The following MKLN1 variants were observed in gnomAD, a reference collection of about 807,000 sequenced individuals.
The protein encoded by MKLN1 is muskelin.
In MKLN1, 18 loss-of-function variants were observed where a neutral mutation model predicts 99.0. The observed-to-expected ratio is 0.18, with a 90% CI of 0.13 to 0.27. MKLN1 has a LOEUF of 0.27. Ranked by LOEUF, MKLN1 falls within the 10% of genes least tolerant of loss-of-function variation. The pLI, the probability that MKLN1 is intolerant of heterozygous loss-of-function variation, is 1.00. For synonymous variants in MKLN1, 288 were observed against 293.2 expected, an observed-to-expected ratio of 0.98 and a Z score of 0.18; for missense variants, 621 against 875.9, an observed-to-expected ratio of 0.71 and a Z score of 3.67.
intron 2 of MKLN1, among the ~76,000 whole-genome samples, chr7:131,386,290 G>A (rs1392624340): frequency 6.6e-6 from 1 of 152,130 alleles, no homozygotes; most frequent in Non-Finnish European, 1.5e-5. Context: ...GGGATTACAG[G>A]TGTGAGCCAC....
chr7:131,389,057 C>G (rs1045759038), intron 4 of MKLN1, 85 bp downstream of exon 4: 4 of 762,562 alleles, frequency 5.2e-6, no homozygotes, highest in African/African-American at 3.6e-5. Context: ...ATCCTGCAGG[C>G]CTCTTGTTTT....
At chr7:131,480,565 GC>G (rs1327012852) in intron 17 of MKLN1, among the ~76,000 whole-genome samples, 1 of 152,200 alleles carries the variant, frequency 6.6e-6, no homozygotes, top group Non-Finnish European at 1.5e-5. Context: ...ACTAGACTGA[GC>G]AGACTGCTAT....
At chr7:131,125,780 G>A (rs4443602) in intron 1 of MKLN1, among the ~76,000 whole-genome samples, 1 of 152,044 alleles carries the variant, frequency 6.6e-6, no homozygotes, top group African/African-American at 2.4e-5. Context: ...TGAGGCAGGA[G>A]AATCACGAGG....
At chr7:131,232,737 G>A (rs1234094969) in intron 3 of MKLN1, among the ~76,000 whole-genome samples, 1 of 152,144 alleles carries the variant, frequency 6.6e-6, no homozygotes, top group African/African-American at 2.4e-5. Context: ...AAGATAACTA[G>A]AGAGTGAGCT....
At chr7:131,401,643 A>C (rs1415797140) in intron 6 of MKLN1, among the ~76,000 whole-genome samples, 3 of 152,098 alleles carry the variant, frequency 2.0e-5, no homozygotes, top group Admixed American at 6.6e-5. Flanking sequence ...ATTGTGCAGT[A>C]GTTGTTAATT....
At chr7:131,475,139 G>T (rs940241691) in intron 16 of MKLN1, among the ~76,000 whole-genome samples, 1 of 151,974 alleles carries the variant, frequency 6.6e-6, no homozygotes, top group Non-Finnish European at 1.5e-5. Context: ...AAGAAAAAAA[G>T]TGAAAACATA....
intron 12 of MKLN1, among the ~76,000 whole-genome samples, chr7:131,446,278 G>C (rs573809405): frequency 1.3e-5 from 2 of 152,240 alleles, no homozygotes; most frequent in Admixed American, 6.5e-5. Flanking sequence ...GTGTCTTAAG[G>C]GGGGAACTTC....
intron 2 of MKLN1, among the ~76,000 whole-genome samples, chr7:131,158,556 G>T (rs1796002746): frequency 6.6e-6 from 1 of 152,110 alleles, no homozygotes; most frequent in African/African-American, 2.4e-5. Flanking sequence ...AAAGTCTAAA[G>T]GTGACCCGCA....
At chr7:131,201,323 C>T (rs1457998649) in intron 2 of MKLN1, among the ~76,000 whole-genome samples, 1 of 152,100 alleles carries the variant, frequency 6.6e-6, no homozygotes, top group Non-Finnish European at 1.5e-5. Context: ...CCCGGCCCCA[C>T]TTCAATTTTT....
intron 9 of MKLN1, among the ~76,000 whole-genome samples, chr7:131,435,490 G>A (rs968704678): frequency 6.6e-6 from 1 of 151,620 alleles, no homozygotes; most frequent in African/African-American, 2.4e-5. Flanking sequence ...GAAAAATTTT[G>A]TCTAAAACTG....
At chr7:131,377,259 G>A (rs577391333) in intron 2 of MKLN1, among the ~76,000 whole-genome samples, 1 of 152,156 alleles carries the variant, frequency 6.6e-6, no homozygotes, top group African/African-American at 2.4e-5. Context: ...ACAGAAGACT[G>A]TTTTACAAAG....
At chr7:131,380,011 A>G (rs1335814007) in intron 2 of MKLN1, among the ~76,000 whole-genome samples, 3 of 152,090 alleles carry the variant, frequency 2.0e-5, no homozygotes, top group Non-Finnish European at 4.4e-5. Flanking sequence ...AGGGAGTTAT[A>G]GATTAGAAGC....
At chr7:131,161,054 C>A (rs918243258) in intron 2 of MKLN1, among the ~76,000 whole-genome samples, 1 of 152,136 alleles carries the variant, frequency 6.6e-6, no homozygotes, top group African/African-American at 2.4e-5. Context: ...ACGGAGGCCA[C>A]TTTTGGTCGC....
chr7:131,189,684 C>A (rs1365201172), intron 2 of MKLN1, among the ~76,000 whole-genome samples: 1 of 152,118 alleles, frequency 6.6e-6, no homozygotes, highest in Non-Finnish European at 1.5e-5. Flanking sequence ...GTGGAGCTGC[C>A]ACCATACTTC....
chr7:131,162,275 A>G (rs1796066789), intron 2 of MKLN1, among the ~76,000 whole-genome samples: 1 of 151,904 alleles, frequency 6.6e-6, no homozygotes, highest in African/African-American at 2.4e-5. Context: ...CTGGTCTCGA[A>G]CTCCTGGCCT....
chr7:131,355,961 C>G (rs1799864668), intron 1 of MKLN1, among the ~76,000 whole-genome samples: 1 of 151,416 alleles, frequency 6.6e-6, no homozygotes, highest in South Asian at 2.1e-4. Context: ...CTTTTTCTAT[C>G]TCTTAAATTT....
intron 3 of MKLN1, among the ~76,000 whole-genome samples, chr7:131,281,689 C>CTTTTTTTTTTT (rs561561621): frequency 6.9e-6 from 1 of 145,380 alleles, no homozygotes; most frequent in Non-Finnish European, 1.5e-5. Context: ...TATTTCTTTT[C>CTTTTTTTTTTT]TTTTTTTTTT....
intron 1 of MKLN1, among the ~76,000 whole-genome samples, chr7:131,340,158 C>T (rs971591514): frequency 6.6e-6 from 1 of 151,982 alleles, no homozygotes; most frequent in South Asian, 2.1e-4. Flanking sequence ...GTCACTTTCT[C>T]AGGAAATCCT....
intron 4 of MKLN1, among the ~76,000 whole-genome samples, chr7:131,390,250 A>C (rs1326753824): frequency 6.6e-6 from 1 of 152,230 alleles, no homozygotes; most frequent in Non-Finnish European, 1.5e-5. Flanking sequence ...AAATACTTAT[A>C]AATTAAAACC....
Sources: gnomAD v4.1 joint callset for allele counts (sites outside exome capture counted in the v4.1 genomes callset) on GRCh38, gnomAD v4.1.1 for gene constraint, MANE v1.5 for transcripts, NCBI Gene and HGNC (gene_info 2026-07-23, HGNC 2026-07-21) for gene names.